CHMP4C: variants seen among roughly 807,000 people sequenced by gnomAD.
CHMP4C encodes charged multivesicular body protein 4C.
A neutral mutation model predicts 29.0 loss-of-function variants in CHMP4C; 28 were observed. The ratio of observed to expected loss-of-function variants is 0.97; its 90% CI spans 0.72 to 1.32. The LOEUF (loss-of-function observed/expected upper bound fraction) is 1.32. Ranked by LOEUF, CHMP4C falls within the 40% of genes most tolerant of loss-of-function variation. CHMP4C has a pLI of 0.00. For synonymous variants in CHMP4C, 106 were observed against 102.4 expected (o/e 1.04, Z -0.21); for missense variants, 291 against 281.0 (o/e 1.04, Z -0.25).
Position 81,758,271 on chromosome 8 carries a change from T to C in CHMP4C, c.613T>C (p.Ser205Pro). Residue 205 changes from serine (S) to proline (P), a missense_variant, in exon 4 of 5, where the codon TCC (serine) becomes CCC (proline). Coordinates refer to ENST00000297265, the MANE Select transcript of CHMP4C (RefSeq NM_152284.4). ...GCCAAATAGAAAACCAGGCATGTCG[T>C]CCACTGCACGTCGATCCCGAGCAGG... is the stretch of plus-strand genomic sequence containing the variant. The part of the protein sequence containing the change: ...AQPNRKPGMS[S>P]TARRSRAASS... 1 of 1,614,016 alleles carries C rather than the reference T, an allele frequency of 6.2e-7. No homozygotes were observed. Among genetic ancestry groups the C allele is most frequent in the Middle Eastern group, 1.7e-4 (1 of 6,060 alleles).
At chr8:81,740,155 A>G (rs1247311114) in intron 1 of CHMP4C, among the ~76,000 whole-genome samples, 1 of 152,214 alleles carries the variant, frequency 6.6e-6, no homozygotes, top group Non-Finnish European at 1.5e-5. Flanking sequence ...TTGGCATGCC[A>G]CTAGAGACTT....
At chr8:81,742,168 T>G (rs1055251578) in intron 1 of CHMP4C, among the ~76,000 whole-genome samples, 1 of 152,162 alleles carries the variant, frequency 6.6e-6, no homozygotes, top group Non-Finnish European at 1.5e-5. Context: ...TTGTAGGAAT[T>G]TCCAGGTAGC....
intron 1 of CHMP4C, among the ~76,000 whole-genome samples, chr8:81,749,751 A>G (rs1051025386): frequency 1.3e-5 from 2 of 152,212 alleles, no homozygotes; most frequent in South Asian, 2.1e-4. Flanking sequence ...ACAATAGAAC[A>G]TCATGCTCTA....
At chr8:81,741,141 C>T (rs1394649419) in intron 1 of CHMP4C, among the ~76,000 whole-genome samples, 2 of 151,890 alleles carry the variant, frequency 1.3e-5, no homozygotes, top group African/African-American at 2.4e-5. Context: ...GCTACTGTTT[C>T]TTATGTTATA....
At chr8:81,736,085 CAATAAATA>C (rs55869119) in intron 1 of CHMP4C, among the ~76,000 whole-genome samples, 41,088 of 135,294 alleles carry the variant, frequency 0.3, 6,630 homozygotes, top group East Asian at 0.55. Context: ...GACTATGTCT[CAATAAATA>C]AATAAATAAA....
At chr8:81,734,695 T>A (rs1344778401) in intron 1 of CHMP4C, among the ~76,000 whole-genome samples, 3 of 152,126 alleles carry the variant, frequency 2.0e-5, no homozygotes, top group African/African-American at 7.2e-5. Context: ...AATGTAAATT[T>A]GTTTTCAAAG....
intron 1 of CHMP4C, among the ~76,000 whole-genome samples, chr8:81,736,808 G>C (rs890641170): frequency 2.0e-5 from 3 of 152,176 alleles, no homozygotes; most frequent in Non-Finnish European, 2.9e-5. Flanking sequence ...TTTTGTGCTT[G>C]CTAGTGTATG....
chr8:81,734,193 T>C (rs967566251), intron 1 of CHMP4C, among the ~76,000 whole-genome samples: 3 of 152,238 alleles, frequency 2.0e-5, no homozygotes, highest in African/African-American at 7.2e-5. Flanking sequence ...TTGGTCATTT[T>C]GCTCCTTGGC....
intron 1 of CHMP4C, among the ~76,000 whole-genome samples, chr8:81,740,199 T>C (rs894419725): frequency 1.3e-5 from 2 of 152,184 alleles, no homozygotes; most frequent in African/African-American, 4.8e-5. Context: ...ATAGCAACCG[T>C]GTTTCATCCG....
In CHMP4C at chr8:81,758,224, C is replaced by T. The variant is rs779499116; in HGVS notation, c.566C>T (p.Pro189Leu). The change falls in exon 4 of 5, where the codon CCT becomes CTT. Residue 189 changes from proline (P) to leucine (L), a missense_variant. By Grantham distance (98) the Pro-to-Leu change is moderately conservative. Transcript: ENST00000297265. ...KMTNIRLPNV[P>L]SSSLPAQPNR... is the part of the protein sequence containing the mutation. ...ACAAATATCCGCCTTCCAAATGTGCCTTCCTCTTCTCTCCCAGCACAGCCA... is the reference window on the plus strand; with the variant it reads ...ACAAATATCCGCCTTCCAAATGTGCTTTCCTCTTCTCTCCCAGCACAGCCA... 2.5e-6 allele frequency: 4 copies of T among 1,613,744 alleles called. No individual in the cohort carries two copies. In the African/African-American group the frequency reaches 4.0e-5, roughly 16 times the overall value.
chr8:81,750,094 T>C lies in CHMP4C; in HGVS notation c.191-2970T>C, dbSNP rs147967787. On this transcript the variant is annotated intron_variant, in intron 1 of 4. Transcript: ENST00000297265. ...CATTTTCTGGGGAGAAATTCAAGCT[T>C]GCTGCAGAGATTTGCAGGGAGATTA... is the stretch of plus-strand genomic sequence containing the variant. Among the ~76,000 whole-genome samples, 1,500 of 152,196 alleles carry C rather than the reference T, an allele frequency of 9.9e-3. 24 individuals carry two copies. The highest frequency in any genetic ancestry group is 0.034 in the African/African-American group (1,416 of 41,506).
Position 81,732,823 on chromosome 8 carries a change from T to G in CHMP4C, c.190+7T>G, listed in dbSNP as rs1808635526. The G allele has an allele frequency of 6.8e-6, 11 of 1,610,110 alleles. No individual in the cohort carries two copies. The highest frequency in any genetic ancestry group is 6.8e-6 in the Non-Finnish European group (8 of 1,178,296). Reference sequence around the variant, plus strand: ...GGCACGCAGAATAAGCGAGGTAGGCTGGGGTCTGGCCCACAGGCGGGAGCC... The same window carrying G: ...GGCACGCAGAATAAGCGAGGTAGGCGGGGGTCTGGCCCACAGGCGGGAGCC... On this transcript the variant is annotated splice_region_variant and intron_variant, in intron 1 of 4. Coordinates refer to ENST00000297265, the MANE Select transcript of CHMP4C (RefSeq NM_152284.4).
intron 1 of CHMP4C, among the ~76,000 whole-genome samples, chr8:81,738,282 A>C (rs1366683765): frequency 6.6e-6 from 1 of 152,034 alleles, no homozygotes. Context: ...TTTGGCCAAA[A>C]CCCCTACTCA....
chr8:81,756,789 A>T (rs1563623877), intron 3 of CHMP4C, among the ~76,000 whole-genome samples: 1 of 152,136 alleles, frequency 6.6e-6, no homozygotes, highest in Non-Finnish European at 1.5e-5. Flanking sequence ...TCGGCATAGG[A>T]TAGCTTGTTC....
At position 81,732,831 on chromosome 8, in the gene CHMP4C, G is replaced by A. The variant is rs755394312; in HGVS notation, c.190+15G>A. ...GAATAAGCGAGGTAGGCTGGGGTCT[G>A]GCCCACAGGCGGGAGCCCATCTGCC... On this transcript the variant is annotated intron_variant, in intron 1 of 4. Coordinates refer to ENST00000297265, the MANE Select transcript of CHMP4C (RefSeq NM_152284.4). The A allele has an allele frequency of 1.9e-6, 3 of 1,606,944 alleles. No individual in the cohort carries two copies. Among genetic ancestry groups the A allele is most frequent in the East Asian group, 4.5e-5 (2 of 44,670 alleles).
At chr8:81,748,275 T>C (rs1373468561) in intron 1 of CHMP4C, among the ~76,000 whole-genome samples, 2 of 152,172 alleles carry the variant, frequency 1.3e-5, no homozygotes, top group Non-Finnish European at 2.9e-5. Flanking sequence ...CAAACACACA[T>C]GCTGTACAAT....
intron 1 of CHMP4C, among the ~76,000 whole-genome samples, chr8:81,734,154 C>A (rs1808654140): frequency 6.6e-6 from 1 of 152,122 alleles, no homozygotes; most frequent in African/African-American, 2.4e-5. Flanking sequence ...AAAGAAAGAC[C>A]ATGTCATTAT....
intron 1 of CHMP4C, among the ~76,000 whole-genome samples, chr8:81,739,245 C>T (rs143026813): frequency 0.011 from 1,713 of 151,484 alleles, 36 homozygotes; most frequent in East Asian, 0.077. Flanking sequence ...TACAGGTGTG[C>T]GCCACCAAGC....
chr8:81,754,094 A>G (rs956256395), intron 2 of CHMP4C, among the ~76,000 whole-genome samples: 2 of 152,140 alleles, frequency 1.3e-5, no homozygotes, highest in African/African-American at 4.8e-5. Context: ...GGAAAAGGTG[A>G]AAAAGGTGGT....
Sources: gnomAD v4.1 joint callset for allele counts (sites outside exome capture counted in the v4.1 genomes callset) on GRCh38, gnomAD v4.1.1 for gene constraint, MANE v1.5 for transcripts, NCBI Gene and HGNC (gene_info 2026-07-23, HGNC 2026-07-21) for gene names.